The following LY96 variants were observed in gnomAD, a reference collection of about 807,000 sequenced individuals.
LY96 encodes the protein myeloid differentiation protein-2.
LY96 carries 18 observed loss-of-function variants against 18.9 expected under a neutral mutation model. That is an observed-to-expected ratio of 0.95 (90% confidence interval 0.66 to 1.41). The LOEUF (loss-of-function observed/expected upper bound fraction) is 1.41. LY96 is among the 40% of genes most tolerant of loss of function. The probability of loss-of-function intolerance (pLI) is 0.00; values close to 1 mark genes in which losing one functional copy is unlikely to be tolerated. For synonymous variants in LY96, 66 were observed against 62.6 expected (o/e 1.06, Z -0.26); for missense variants, 175 against 182.4 (o/e 0.96, Z 0.23).
Position 74,028,948 on chromosome 8 carries a change from C to T in LY96, c.385-8C>T, listed in dbSNP as rs11466003. On this transcript the variant is annotated splice_polypyrimidine_tract_variant and splice_region_variant and intron_variant, in intron 4 of 4. Transcript: ENST00000284818. ...TGTATTACTTGTATTTCTTATACTT[C>T]ATTTTAGGGAAAATACAAATGTGTT... 8.0e-3 allele frequency: 12,474 copies of T among 1,549,900 alleles called. 600 individuals are homozygous for T. In the Admixed American group the frequency reaches 0.12, roughly 14 times the overall value.
chr8:74,088,526 C>T, the LY96 span, among the ~76,000 whole-genome samples: 2 of 152,140 alleles, frequency 1.3e-5, no homozygotes, highest in East Asian at 1.9e-4. Context: ...TCTTCCCTCC[C>T]CTCAACCTCT....
At chr8:74,044,890 C>G in the LY96 span, among the ~76,000 whole-genome samples, 1 of 152,208 alleles carries the variant, frequency 6.6e-6, no homozygotes, top group South Asian at 2.1e-4. Flanking sequence ...ATCCCTTATT[C>G]TCTATGAAAG....
chr8:74,003,222 C>T (rs189126165), intron 1 of LY96, among the ~76,000 whole-genome samples: 7 of 152,192 alleles, frequency 4.6e-5, no homozygotes, highest in Admixed American at 3.3e-4. Context: ...AGAGAGACCT[C>T]GGGGGAAAGC....
intron 3 of LY96, among the ~76,000 whole-genome samples, chr8:74,023,772 T>G (rs1816815847): frequency 6.6e-6 from 1 of 152,228 alleles, no homozygotes; most frequent in South Asian, 2.1e-4. Flanking sequence ...ATCTCCGTGA[T>G]TCTACCTTGA....
the LY96 span, among the ~76,000 whole-genome samples, chr8:74,080,040 C>G: frequency 0.011 from 1,719 of 152,294 alleles, 30 homozygotes; most frequent in African/African-American, 0.038. Context: ...CATCTAATAT[C>G]ATTTGCAATG....
intron 3 of LY96, among the ~76,000 whole-genome samples, chr8:74,020,266 A>G (rs1241284809): frequency 6.6e-6 from 1 of 152,202 alleles, no homozygotes; most frequent in Middle Eastern, 3.2e-3. Flanking sequence ...GCATTCCTAT[A>G]CACCAATAAC....
the LY96 span, among the ~76,000 whole-genome samples, chr8:74,060,920 T>C: frequency 6.6e-6 from 1 of 152,226 alleles, no homozygotes; most frequent in South Asian, 2.1e-4. Flanking sequence ...AGCTTTGTTA[T>C]TTGCTATCAA....
At chr8:74,031,207 A>G (rs1220077741), downstream of LY96, among the ~76,000 whole-genome samples, 1 of 152,092 alleles carries the variant, frequency 6.6e-6, no homozygotes, top group Non-Finnish European at 1.5e-5. Flanking sequence ...TGAAATCCGG[A>G]GTATATGCCG....
chr8:74,007,313 T>A (rs2131265478), intron 2 of LY96, among the ~76,000 whole-genome samples: 1 of 152,312 alleles, frequency 6.6e-6, no homozygotes, highest in African/African-American at 2.4e-5. Context: ...TGAAGGGAAA[T>A]TTGAGGGACA....
chr8:74,096,024 C>T, the LY96 span, among the ~76,000 whole-genome samples: 260 of 152,298 alleles, frequency 1.7e-3, 4 homozygotes, highest in East Asian at 0.037. Context: ...TTTAAGTGCC[C>T]GAGCCAATTG....
downstream of LY96, among the ~76,000 whole-genome samples, chr8:74,033,367 A>G (rs1817001138): frequency 6.6e-6 from 1 of 152,166 alleles, no homozygotes; most frequent in Non-Finnish European, 1.5e-5. Flanking sequence ...TCCAAAGACA[A>G]TGGTTATAAT....
intron 3 of LY96, among the ~76,000 whole-genome samples, chr8:74,025,677 A>G (rs1024459544): frequency 6.9e-6 from 1 of 144,896 alleles, no homozygotes; most frequent in Non-Finnish European, 1.5e-5. Context: ...AAAAAAAAAG[A>G]TACACCCTTT....
At chr8:74,025,206 T>C (rs974447997) in intron 3 of LY96, among the ~76,000 whole-genome samples, 1 of 152,192 alleles carries the variant, frequency 6.6e-6, no homozygotes, top group Non-Finnish European at 1.5e-5. Context: ...TACCATTGTC[T>C]TCCCAGGCCC....
intron 1 of LY96, among the ~76,000 whole-genome samples, chr8:73,998,153 T>C (rs1005456563): frequency 6.6e-6 from 1 of 152,128 alleles, no homozygotes. Context: ...GATGCTGCTA[T>C]TGCCCAGGAC....
the LY96 span, among the ~76,000 whole-genome samples, chr8:74,085,988 A>T: frequency 6.6e-6 from 1 of 152,238 alleles, no homozygotes; most frequent in South Asian, 2.1e-4. Flanking sequence ...GATCCCTAGG[A>T]CATATTCATC....
chr8:74,010,098 C>T lies in LY96; in HGVS notation c.300C>T (p.Asp100=), dbSNP rs148048520. 1,249 of 1,613,058 alleles carry T rather than the reference C, an allele frequency of 7.7e-4. 1 individual carries two copies. The highest frequency in any genetic ancestry group is 1.5e-3 in the East Asian group (67 of 44,746). The stretch of plus-strand genomic sequence containing the variant: ...AAGTTATTTGCCGAGGATCTGATGA[C>T]GATTACTCTTTTTGCAGAGCTCTGA... ...RKEVICRGSD[D]DYSFCRALKG... The change falls in exon 3 of 5, where the codon GAC becomes GAT. Residue 100 remains aspartate, a synonymous_variant. Coordinates refer to ENST00000284818, the MANE Select transcript of LY96 (RefSeq NM_015364.5).
chr8:74,060,162 C>T, the LY96 span, among the ~76,000 whole-genome samples: 422 of 151,986 alleles, frequency 2.8e-3, no homozygotes, highest in African/African-American at 8.6e-3. Context: ...ACAACAACGA[C>T]GACGACGACG....
the LY96 span, among the ~76,000 whole-genome samples, chr8:74,084,022 CTT>C: frequency 4.2e-5 from 6 of 144,310 alleles, no homozygotes; most frequent in South Asian, 2.2e-4. Context: ...CCCTCATGCT[CTT>C]TTTTTTTTTT....
chr8:74,081,845 G>A, the LY96 span, among the ~76,000 whole-genome samples: 35 of 152,010 alleles, frequency 2.3e-4, 2 homozygotes, highest in African/African-American at 8.2e-4. Flanking sequence ...GTAGAGATGG[G>A]GTTTCACCAT....
Sources: allele counts gnomAD v4.1 joint callset (sites outside exome capture counted in the v4.1 genomes callset), GRCh38; gene constraint gnomAD v4.1.1; transcripts MANE v1.5; gene names NCBI Gene and HGNC (gene_info 2026-07-23, HGNC 2026-07-21).